Variants in PLAGL1 observed in about 807,000 individuals in gnomAD.
PLAGL1 encodes the protein zinc finger protein PLAGL1.
In PLAGL1, 1 loss-of-function variant was observed where a neutral mutation model predicts 4.6. The ratio of observed to expected loss-of-function variants is 0.22; its 90% CI spans 0.08 to 1.03. The LOEUF (loss-of-function observed/expected upper bound fraction) is 1.03, where lower values mean the gene tolerates loss of function less well. PLAGL1 is among the 50% of genes least tolerant of loss of function. The pLI is 0.58. For missense variants in PLAGL1, 464 were observed against 570.4 expected, an observed-to-expected ratio of 0.81 and a Z score of 1.90; for synonymous variants, 240 against 237.8, an observed-to-expected ratio of 1.01 and a Z score of -0.08.
rs145631843 is a variant in PLAGL1 at position 144,027,094 on chromosome 6, T to G, written c.-151+37374A>C. 1.4e-4 allele frequency among the ~76,000 whole-genome samples: 21 copies of G among 151,934 alleles called. No homozygotes were observed. Among genetic ancestry groups the G allele is most frequent in the African/African-American group, 4.8e-4 (20 of 41,408 alleles). ...AAAAAATTAGTCAGCCGCGGTGGCATGCATCTGTGATCCCAGCTACTCAGG... is the reference window on the plus strand; with the variant it reads ...AAAAAATTAGTCAGCCGCGGTGGCAGGCATCTGTGATCCCAGCTACTCAGG... On this transcript the variant is annotated intron_variant, in intron 1 of 3. Transcript: ENST00000437412. The surrounding 1 kb of genome is among the most constrained non-coding windows in gnomAD (Gnocchi z 5.8).
In PLAGL1 at chr6:144,048,219, C is replaced by T. The variant is rs1001183383; in HGVS notation, c.-151+16249G>A. ...GTACGGCCTCCCTCTTGGCTGCTTT[C>T]ATGGGCTGGCATTGAGTGTTGGTGG... On this transcript the variant is annotated intron_variant, in intron 1 of 3. Coordinates refer to the PLAGL1 transcript ENST00000437412. This position sits in a 1 kb window ranked among gnomAD's most constrained non-coding sequence, Gnocchi z 4.8. Among the ~76,000 whole-genome samples the T allele has an allele frequency of 3.3e-5, 5 of 152,212 alleles. No individual in the cohort carries two copies. The highest frequency in any genetic ancestry group is 4.8e-5 in the African/African-American group (2 of 41,454).
In PLAGL1 at chr6:144,053,294, C is replaced by T. The variant is rs550253649; in HGVS notation, c.-151+11174G>A. On this transcript the variant is annotated intron_variant, in intron 1 of 3. Coordinates refer to the PLAGL1 transcript ENST00000437412. This position sits in a 1 kb window ranked among gnomAD's most constrained non-coding sequence, Gnocchi z 4.0. Reference sequence around the variant, plus strand: ...GGATTACAGGCATGCACCATCATGCCGAGCTAATTTTTGTATTTTTAGTGG... The same window carrying T: ...GGATTACAGGCATGCACCATCATGCTGAGCTAATTTTTGTATTTTTAGTGG... Among the ~76,000 whole-genome samples the T allele has an allele frequency of 3.3e-5, 5 of 152,160 alleles. No homozygotes were observed. The highest frequency in any genetic ancestry group is 4.8e-5 in the African/African-American group (2 of 41,508).
chr6:144,054,939 A>G (rs1327379377), intron 1 of PLAGL1, among the ~76,000 whole-genome samples: 5 of 152,142 alleles, frequency 3.3e-5, no homozygotes, highest in Non-Finnish European at 7.4e-5. Context: ...TAGAAATTTA[A>G]TGCCATTTTA....
intron 1 of PLAGL1, among the ~76,000 whole-genome samples, chr6:144,003,202 A>T (rs542108029): frequency 6.6e-6 from 1 of 152,146 alleles, no homozygotes; most frequent in Non-Finnish European, 1.5e-5. Context: ...GAGTAGATGG[A>T]TGTCCATATA....
At chr6:143,998,005 A>G (rs1275159506) in intron 1 of PLAGL1, among the ~76,000 whole-genome samples, 1 of 152,198 alleles carries the variant, frequency 6.6e-6, no homozygotes, top group Non-Finnish European at 1.5e-5. Context: ...TACCTTATCC[A>G]TTGCCCAGCA....
Position 143,949,244 on chromosome 6 carries a change from C to A in PLAGL1, c.-324-784G>T, listed in dbSNP as rs775200860. Among the ~76,000 whole-genome samples, 6 of 152,202 alleles carry A rather than the reference C, an allele frequency of 3.9e-5. No individual in the cohort carries two copies. In the South Asian group the frequency reaches 1.2e-3, roughly 31 times the overall value. On this transcript the variant is annotated intron_variant, in intron 6 of 7. Coordinates refer to ENST00000674357, the MANE Select transcript of PLAGL1 (RefSeq NM_001317162.2). This position sits in a 1 kb window ranked among gnomAD's most constrained non-coding sequence, Gnocchi z 5.3. ...CACCTCCAGGAGATGGGCCTACTGC[C>A]TCCTCAAACCCAACTTGTCTCAAAC... is the stretch of plus-strand genomic sequence containing the variant.
intron 1 of PLAGL1, among the ~76,000 whole-genome samples, chr6:144,019,228 A>G (rs1795789571): frequency 6.6e-6 from 1 of 152,196 alleles, no homozygotes; most frequent in Admixed American, 6.5e-5. Context: ...TAATCCCAGC[A>G]CTTTGGGAGG....
chr6:144,064,262 G>T lies in PLAGL1; in HGVS notation c.-151+206C>A, dbSNP rs1054231922. Among the ~76,000 whole-genome samples the T allele has an allele frequency of 1.3e-5, 2 of 152,102 alleles. No individual in the cohort carries two copies. The highest frequency in any genetic ancestry group is 4.8e-5 in the African/African-American group (2 of 41,428). ...GGTGGCCGCCGGTGTCCCAAGCACC[G>T]ACCGCCATCCCCGGCAGGACGCAGG... On this transcript the variant is annotated intron_variant, in intron 1 of 3. Coordinates refer to the PLAGL1 transcript ENST00000437412. This position sits in a 1 kb window ranked among gnomAD's most constrained non-coding sequence, Gnocchi z 6.8.
At chr6:144,060,935 A>T (rs1799342409) in intron 1 of PLAGL1, among the ~76,000 whole-genome samples, 1 of 152,276 alleles carries the variant, frequency 6.6e-6, no homozygotes, top group East Asian at 1.9e-4. Context: ...TCAGTATGTT[A>T]TTGGAAGTTA....
At chr6:144,014,244 A>G (rs1201214553) in intron 1 of PLAGL1, among the ~76,000 whole-genome samples, 1 of 152,062 alleles carries the variant, frequency 6.6e-6, no homozygotes, top group Non-Finnish European at 1.5e-5. Context: ...CAGCTTGGCC[A>G]ACATGGCAAA....
chr6:143,944,788 T>C (rs1194089557), intron 7 of PLAGL1, among the ~76,000 whole-genome samples: 4 of 152,010 alleles, frequency 2.6e-5, no homozygotes, highest in Non-Finnish European at 5.9e-5. Flanking sequence ...TAAACCTTTT[T>C]TTTTTTTTTT....
rs1787117694 is a variant in PLAGL1, at chr6:143,978,107, G to A, written c.-544+7028C>T. 6.6e-6 allele frequency among the ~76,000 whole-genome samples: 1 copy of A among 152,014 alleles called. No individual in the cohort carries two copies. The highest frequency in any genetic ancestry group is 2.4e-5 in the African/African-American group (1 of 41,396). ...CTGGCTAGAGATTTATCATTTTACT[G>A]ATCTTTTCAAAGAACCAGCTTTTTA... On this transcript the variant is annotated intron_variant, in intron 2 of 7. Transcript: ENST00000674357. The surrounding 1 kb of genome is among the most constrained non-coding windows in gnomAD (Gnocchi z 4.6).
chr6:143,999,422 A>G (rs1190382792), intron 1 of PLAGL1, among the ~76,000 whole-genome samples: 1 of 152,232 alleles, frequency 6.6e-6, no homozygotes, highest in Non-Finnish European at 1.5e-5. Flanking sequence ...ATACACAAAT[A>G]ATACAATGTA....
chr6:143,946,349 C>T (rs1456175005), intron 7 of PLAGL1, among the ~76,000 whole-genome samples: 1 of 152,146 alleles, frequency 6.6e-6, no homozygotes, highest in Non-Finnish European at 1.5e-5. Context: ...TTTTAGTGTC[C>T]TCACTGTGAC....
intron 7 of PLAGL1, among the ~76,000 whole-genome samples, chr6:143,944,766 A>ACACT: frequency 6.8e-6 from 1 of 147,674 alleles, no homozygotes; most frequent in Non-Finnish European, 1.5e-5. Flanking sequence ...GCTGGCTTAC[A>ACACT]CACTCAGTAT....
At chr6:143,993,658 A>T (rs1791028157) in intron 1 of PLAGL1, among the ~76,000 whole-genome samples, 1 of 152,230 alleles carries the variant, frequency 6.6e-6, no homozygotes, top group African/African-American at 2.4e-5. Flanking sequence ...ATGTGGATAA[A>T]ATGACTGAGA....
rs1439092097 is a variant in PLAGL1, at chr6:143,965,425, C to T, written c.-430-607G>A. On this transcript the variant is annotated intron_variant, in intron 4 of 7. Transcript: ENST00000674357. This position sits in a 1 kb window ranked among gnomAD's most constrained non-coding sequence, Gnocchi z 7.5. The stretch of plus-strand genomic sequence containing the variant: ...ACCTCACATTCCTAAGAATCAGCAA[C>T]CAAGGGACCCCATTTTTCTGCCAAA... The T allele has an allele frequency of 6.6e-6, 1 of 152,156 alleles. No individual in the cohort carries two copies. The highest frequency in any genetic ancestry group is 1.5e-5 in the Non-Finnish European group (1 of 68,046). 9.4% of individuals were successfully genotyped at this position (152,156 alleles called of 1,614,324 possible).
At chr6:143,956,742 T>C (rs1356240062) in intron 6 of PLAGL1, among the ~76,000 whole-genome samples, 3 of 152,134 alleles carry the variant, frequency 2.0e-5, no homozygotes, top group Non-Finnish European at 2.9e-5. Flanking sequence ...CAATAAAACG[T>C]TCTCAACTGA....
In PLAGL1 at chr6:143,970,463, A is replaced by G. The variant is rs1785216278; in HGVS notation, c.-543-1485T>C. On this transcript the variant is annotated intron_variant, in intron 2 of 7. Coordinates refer to ENST00000674357, the MANE Select transcript of PLAGL1 (RefSeq NM_001317162.2). This position sits in a 1 kb window ranked among gnomAD's most constrained non-coding sequence, Gnocchi z 5.8. ...TTATAATAGTCATATCTGATCTTAT[A>G]CAACTGACACATTATTTAATTTTAG... Among the ~76,000 whole-genome samples, 1 of 152,240 alleles carries G rather than the reference A, an allele frequency of 6.6e-6. No individual in the cohort carries two copies. Among genetic ancestry groups the G allele is most frequent in the African/African-American group, 2.4e-5 (1 of 41,464 alleles).
Sources: allele counts gnomAD v4.1 joint callset (sites outside exome capture counted in the v4.1 genomes callset), GRCh38; gene constraint gnomAD v4.1.1; non-coding constraint Gnocchi (gnomAD v3.1); transcripts MANE v1.5; gene names NCBI Gene and HGNC (gene_info 2026-07-23, HGNC 2026-07-21).